The following PMIS2 variants were observed in gnomAD, a reference collection of about 807,000 sequenced individuals.
PMIS2 encodes the protein transmembrane protein PMIS2.
rs1199696446 is a variant in PMIS2, at chr19:35,586,238, TC to T, written c.-20del. On this transcript the variant is annotated 5_prime_UTR_variant, in exon 1 of 2. Transcript: ENST00000646476. ...CGCTCCGTTTTCAAGACACTCGGAG[TC>T]CGTCTTTGAGGGGAAAGGTCATGGC... 8 of 398,624 alleles carry T rather than the reference TC, an allele frequency of 2.0e-5. No homozygotes were observed. In the South Asian group the frequency reaches 1.0e-3, roughly 51 times the overall value. 24.7% of individuals were successfully genotyped at this position (398,624 alleles called of 1,614,324 possible). A position where few individuals can be genotyped will look rare whatever the true frequency, so the allele number is the denominator to read the frequency against.
intron 1 of PMIS2, 32 bp from the exon 2 acceptor site, chr19:35,586,944 A>G (rs2071782395): frequency 2.5e-6 from 1 of 398,458 alleles, no homozygotes; most frequent in South Asian, 1.3e-4. Flanking sequence ...GCTTTCCCTC[A>G]GTGACTGCAG....
At chr19:35,586,422 G>A (rs1402546224) in exon 1 of PMIS2, 1 of 398,556 alleles carries the variant, frequency 2.5e-6, no homozygotes, top group Non-Finnish European at 4.4e-6. Context: ...GGAGCCGCAA[G>A]AGCCTACACA....
exon 1 of PMIS2, chr19:35,586,445 A>G (rs769476354): frequency 1.0e-5 from 4 of 398,610 alleles, no homozygotes; most frequent in African/African-American, 4.1e-5. Context: ...CACCAGAGGA[A>G]CTAGCATTTT....
chr19:35,586,954 G>C, intron 1 of PMIS2, 22 bp from the exon 2 acceptor site: 2 of 398,606 alleles, frequency 5.0e-6, no homozygotes, highest in Non-Finnish European at 8.8e-6. Context: ...AGTGACTGCA[G>C]GTCTCCAACC....
exon 1 of PMIS2, chr19:35,586,452 T>G (rs2071780062): frequency 7.5e-6 from 3 of 398,534 alleles, no homozygotes; most frequent in Non-Finnish European, 1.3e-5. Context: ...GGAACTAGCA[T>G]TTTACGCCCC....
At chr19:35,587,140 A>G (rs1568321293) in exon 2 of PMIS2, 1 of 398,642 alleles carries the variant, frequency 2.5e-6, no homozygotes, top group East Asian at 3.6e-5. Flanking sequence ...GCTTGGTCCT[A>G]TATTAATGAA....
chr19:35,586,608 C>G, intron 1 of PMIS2, 67 bp downstream of exon 1: 1 of 387,430 alleles, frequency 2.6e-6, no homozygotes, highest in Non-Finnish European at 4.5e-6. Context: ...GAGACCCAGT[C>G]TCACTCTGTC....
chr19:35,586,596 T>G (rs2071780747), intron 1 of PMIS2, 55 bp downstream of exon 1: 4 of 395,466 alleles, frequency 1.0e-5, no homozygotes, highest in Non-Finnish European at 1.8e-5. Context: ...TTTTTTCTTT[T>G]TGAGACCCAG....
intron 1 of PMIS2, 80 bp downstream of exon 1, chr19:35,586,621 C>T (rs1334735440): frequency 2.5e-6 from 1 of 395,574 alleles, no homozygotes; most frequent in Non-Finnish European, 4.4e-6. Flanking sequence ...ACTCTGTCCC[C>T]CAGGCTGGAG....
exon 2 of PMIS2, chr19:35,587,160 T>C (rs1487316195): frequency 7.5e-6 from 3 of 398,440 alleles, no homozygotes; most frequent in Non-Finnish European, 8.8e-6. Context: ...AGTCTAGGCA[T>C]AGCAACCCAG....
exon 2 of PMIS2, chr19:35,587,117 G>A (rs2071782989): frequency 2.5e-6 from 1 of 398,472 alleles, no homozygotes; most frequent in Non-Finnish European, 4.4e-6. Flanking sequence ...GATTGGCTTA[G>A]GCATCATTTA....
exon 1 of PMIS2, chr19:35,586,304 G>A (rs1047072842): frequency 1.5e-5 from 6 of 398,720 alleles, no homozygotes; most frequent in Admixed American, 8.8e-5. Context: ...CTCCCAACGC[G>A]CCAGCTACCC....
chr19:35,586,978 T>A, intron 1 of PMIS2: 1 of 398,396 alleles, frequency 2.5e-6, no homozygotes, highest in Non-Finnish European at 4.4e-6. Context: ...CTCCCCAGGG[T>A]TCCTGGACAC....
exon 1 of PMIS2, chr19:35,586,194 G>C (rs997389140): frequency 1.3e-5 from 5 of 398,740 alleles, no homozygotes; most frequent in Non-Finnish European, 2.2e-5. Flanking sequence ...TAGTACAAGG[G>C]GAAGCCTAGT....
intron 1 of PMIS2, among the ~76,000 whole-genome samples, 166 bp from the exon 2 acceptor site, chr19:35,586,810 C>T (rs2071781860): frequency 6.6e-6 from 1 of 152,024 alleles, no homozygotes; most frequent in Non-Finnish European, 1.5e-5. Flanking sequence ...GAGCTTCTGA[C>T]CTTGTGATCC....
rs371257553 is a variant in PMIS2, at chr19:35,586,772, G to A, written c.282+231G>A. ...TTTTTGTATTTTTAGTAGAGACGGG[G>A]TTTCACCATGCTGGCCAGGCTGGTC... On this transcript the variant is annotated intron_variant, in intron 1 of 1. Coordinates refer to ENST00000646476, the Ensembl canonical transcript of PMIS2. Among the ~76,000 whole-genome samples the A allele has an allele frequency of 2.0e-4, 31 of 152,016 alleles. 3 individuals are homozygous for A. In the South Asian group the frequency reaches 5.8e-3, roughly 29 times the overall value.
exon 2 of PMIS2, chr19:35,587,128 T>C (rs2071783056): frequency 2.5e-6 from 1 of 398,612 alleles, no homozygotes; most frequent in South Asian, 1.3e-4. Context: ...GCATCATTTA[T>C]GGCTTGGTCC....
chr19:35,586,514 A>G (rs909089078), exon 1 of PMIS2: 31 of 395,278 alleles, frequency 7.8e-5, no homozygotes, highest in African/African-American at 5.8e-4. Flanking sequence ...CTCCATTTGG[A>G]TTGGCAGCTT....
chr19:35,587,187 C>T lies in PMIS2; in HGVS notation c.*41C>T, dbSNP rs112598110. On this transcript the variant is annotated 3_prime_UTR_variant, in exon 2 of 2. Coordinates refer to ENST00000646476, the Ensembl canonical transcript of PMIS2. ...GCAACCCAGGGGTCCGCTCCCCAAC[C>T]GAGCCACTCACCAAACACTAACCAG... The T allele has an allele frequency of 1.7e-3, 696 of 398,386 alleles. 3 individuals are homozygous for T. Among genetic ancestry groups the T allele is most frequent in the African/African-American group, 0.013 (655 of 48,690 alleles). The allele number at this position is 398,386 out of a possible 1,614,324, so 24.7% of individuals were successfully genotyped here.
Sources: gnomAD v4.1 joint callset for allele counts (sites outside exome capture counted in the v4.1 genomes callset) on GRCh38, gnomAD v4.1.1 for gene constraint, MANE v1.5 for transcripts, NCBI Gene and HGNC (gene_info 2026-07-23, HGNC 2026-07-21) for gene names.